FSIP2: variants seen among roughly 807,000 people sequenced by gnomAD.
The protein encoded by FSIP2 is fibrous sheath-interacting protein 2.
FSIP2 carries 367 observed loss-of-function variants against 510.5 expected under a neutral mutation model. The observed-to-expected ratio is 0.72, with a 90% CI of 0.66 to 0.78. The LOEUF is 0.78. Ranked by LOEUF, FSIP2 falls within the 30% of genes least tolerant of loss-of-function variation. The pLI, the probability that FSIP2 is intolerant of heterozygous loss-of-function variation, is 0.00. For missense variants in FSIP2, 7,594 were observed against 7,901.7 expected, an observed-to-expected ratio of 0.96 and a Z score of 1.48; for synonymous variants, 2,601 against 2,732.2, an observed-to-expected ratio of 0.95 and a Z score of 1.50.
Position 185,800,031 on chromosome 2 carries a change from G to A in FSIP2, c.10725G>A (p.Gln3575=). 1.3e-6 allele frequency: 2 copies of A among 1,525,544 alleles called. No individual in the cohort carries two copies. Among genetic ancestry groups the A allele is most frequent in the Non-Finnish European group, 1.8e-6 (2 of 1,139,350 alleles). The allele number at this position is 1,525,544 out of a possible 1,614,324, so 94.5% of individuals were successfully genotyped here. The change falls in exon 17 of 23, where the codon CAG becomes CAA. Residue 3575 remains glutamine, a synonymous_variant. Coordinates refer to ENST00000424728, the MANE Select transcript of FSIP2 (RefSeq NM_173651.4). The part of the protein sequence containing the change: ...IKILFNNKII[Q]ADIAQKMVAI... The stretch of plus-strand genomic sequence containing the variant: ...TTCTTTTTAATAATAAAATTATACA[G>A]GCTGACATTGCACAGAAAATGGTTG...
intron 2 of FSIP2, among the ~76,000 whole-genome samples, chr2:185,739,984 T>C (rs918748713): frequency 6.6e-6 from 1 of 152,148 alleles, no homozygotes; most frequent in Non-Finnish European, 1.5e-5. Flanking sequence ...TACTTTAACC[T>C]TACTTTAATG....
At chr2:185,797,596 A>G (rs1693322550) in intron 16 of FSIP2, 70 bp downstream of exon 16, 2 of 1,425,030 alleles carry the variant, frequency 1.4e-6, no homozygotes, top group South Asian at 1.5e-5. Flanking sequence ...ACATGTTTAA[A>G]AGATCTCCTG....
At position 185,802,816 on chromosome 2, in the gene FSIP2, G is replaced by A. The variant is rs1461081591; in HGVS notation, c.13510G>A (p.Asp4504Asn). 2.0e-6 allele frequency: 3 copies of A among 1,520,742 alleles called. No homozygotes were observed. The highest frequency in any genetic ancestry group is 2.6e-6 in the Non-Finnish European group (3 of 1,141,158). The allele number at this position is 1,520,742 out of a possible 1,614,324, so 94.2% of individuals were successfully genotyped here. Residue 4504 changes from aspartate to asparagine, a missense_variant, in exon 17 of 23, where the codon GAC becomes AAC. Coordinates refer to ENST00000424728, the MANE Select transcript of FSIP2 (RefSeq NM_173651.4). The part of the protein sequence containing the change: ...QKDISRVNFN[D>N]IASNLVSDIR... ...AGATATATCAAGAGTGAATTTCAAT[G>A]ACATTGCTTCAAACCTAGTTAGTGA...
Position 185,795,977 on chromosome 2 carries a change from C to G in FSIP2, c.8841C>G (p.Asn2947Lys). 4 of 1,534,708 alleles carry G rather than the reference C, an allele frequency of 2.6e-6. No individual in the cohort carries two copies. Among genetic ancestry groups the G allele is most frequent in the Non-Finnish European group, 3.5e-6 (4 of 1,146,006 alleles). The part of the protein sequence containing the change: ...PTPDSEETLS[N>K]SKEHITAKSK... ...CAGATAGTGAAGAAACTCTATCAAA[C>G]AGTAAAGAACACATTACTGCTAAAA... The change falls in exon 16 of 23, where the codon AAC (asparagine) becomes AAG (lysine). Residue 2947 changes from asparagine (N) to lysine (K), a missense_variant. Physicochemically the swap from Asn to Lys is moderately conservative, Grantham distance 94. Coordinates refer to ENST00000424728, the MANE Select transcript of FSIP2 (RefSeq NM_173651.4).
At chr2:185,752,974 C>A (rs1393267378) in intron 7 of FSIP2, among the ~76,000 whole-genome samples, 2 of 151,236 alleles carry the variant, frequency 1.3e-5, no homozygotes, top group Non-Finnish European at 3.0e-5. Context: ...ACAGGTCTTG[C>A]CTTTTATGAT....
intron 20 of FSIP2, 97 bp from the exon 21 acceptor site, chr2:185,828,059 C>A (rs1694046218): frequency 1.4e-6 from 1 of 736,242 alleles, no homozygotes; most frequent in East Asian, 2.6e-5. Context: ...CTATATGATT[C>A]TTTGGTGAAA....
chr2:185,800,873 C>T lies in FSIP2; in HGVS notation c.11567C>T (p.Ser3856Phe). 1 of 1,534,216 alleles carries T rather than the reference C, an allele frequency of 6.5e-7. No homozygotes were observed. Among genetic ancestry groups the T allele is most frequent in the Non-Finnish European group, 8.7e-7 (1 of 1,145,626 alleles). The change falls in exon 17 of 23, where the codon TCT becomes TTT. Residue 3856 changes from serine (S) to phenylalanine (F), a missense_variant. Transcript: ENST00000424728. ...SLVKSLMDKLSHSIQQAPESL... is the reference protein window; with the variant it reads ...SLVKSLMDKLFHSIQQAPESL... ...GTTAAATCATTGATGGACAAATTATCTCACAGCATACAACAAGCTCCGGAA... is the reference window on the plus strand; with the variant it reads ...GTTAAATCATTGATGGACAAATTATTTCACAGCATACAACAAGCTCCGGAA...
intron 13 of FSIP2, among the ~76,000 whole-genome samples, chr2:185,769,451 A>C (rs1229482748): frequency 6.6e-6 from 1 of 152,158 alleles, no homozygotes; most frequent in African/African-American, 2.4e-5. Context: ...GTCTGTTCAT[A>C]TCCTTTGCCC....
At chr2:185,741,945 C>T (rs1214107217) in intron 2 of FSIP2, among the ~76,000 whole-genome samples, 2 of 152,138 alleles carry the variant, frequency 1.3e-5, no homozygotes, top group African/African-American at 2.4e-5. Context: ...TACGGCCAGA[C>T]TGGAAACAGA....
Position 185,801,943 on chromosome 2 carries a change from A to G in FSIP2, c.12637A>G (p.Met4213Val). The change falls in exon 17 of 23, where the codon ATG becomes GTG. Residue 4213 changes from methionine (M) to valine (V), a missense_variant. By Grantham distance (21) the Met-to-Val change is conservative. Coordinates refer to ENST00000424728, the MANE Select transcript of FSIP2 (RefSeq NM_173651.4). ...ATATACTGGAAAAAACCTCCAAAAG[A>G]TGGTGGATTCTGTATATTGTAATAT... is the stretch of plus-strand genomic sequence containing the variant. The part of the protein sequence containing the change: ...YLYTGKNLQK[M>V]VDSVYCNILQ... 2.0e-6 allele frequency: 3 copies of G among 1,520,412 alleles called. No homozygotes were observed. Among genetic ancestry groups the G allele is most frequent in the Non-Finnish European group, 2.6e-6 (3 of 1,138,428 alleles). The allele number at this position is 1,520,412 out of a possible 1,614,324, so 94.2% of individuals were successfully genotyped here.
intron 9 of FSIP2, 56 bp downstream of exon 9, chr2:185,756,334 GA>G: frequency 1.6e-6 from 1 of 624,748 alleles, no homozygotes; most frequent in Non-Finnish European, 2.5e-6. Flanking sequence ...TTGGGGGAAA[GA>G]CAGTTTTGTA....
chr2:185,805,705 G>A lies in FSIP2; in HGVS notation c.16399G>A (p.Gly5467Ser). The A allele has an allele frequency of 6.2e-7, 1 of 1,608,758 alleles. No individual in the cohort carries two copies. The highest frequency in any genetic ancestry group is 8.5e-7 in the Non-Finnish European group (1 of 1,177,998). The change falls in exon 17 of 23, where the codon GGT becomes AGT. Residue 5467 changes from glycine to serine, a missense_variant. Gly to Ser is a moderately conservative substitution (Grantham distance 56, BLOSUM62 0). Coordinates refer to ENST00000424728, the MANE Select transcript of FSIP2 (RefSeq NM_173651.4). The part of the protein sequence containing the change: ...NMMSTLEINR[G>S]TMNRKKSFKT... ...GATGAGCACTTTGGAAATAAATAGA[G>A]GTACAATGAATAGAAAGAAAAGTTT...
chr2:185,789,946 T>A lies in FSIP2; in HGVS notation c.2810T>A (p.Leu937Gln). ...ASEETVVLLQ[L>Q]LEDILFQLHQ... ...GAAGAAACCGTAGTACTCCTTCAGC[T>A]ACTTGAGGACATCCTTTTTCAGCTC... Residue 937 changes from leucine to glutamine, a missense_variant, in exon 16 of 23, where the codon CTA (leucine) becomes CAA (glutamine). Transcript: ENST00000424728. 6.5e-7 allele frequency: 1 copy of A among 1,534,426 alleles called. No individual in the cohort carries two copies. The highest frequency in any genetic ancestry group is 1.2e-5 in the South Asian group (1 of 84,026).
chr2:185,788,655 G>C lies in FSIP2; in HGVS notation c.1519G>C (p.Glu507Gln), dbSNP rs532698972. Residue 507 changes from glutamate (E) to glutamine (Q), a missense_variant, in exon 16 of 23, where the codon GAA (glutamate) becomes CAA (glutamine). Glu to Gln is a conservative substitution (Grantham distance 29). Transcript: ENST00000424728. Reference protein sequence around the residue: ...NCLQEKVTSEELNIIIQNVMT... With the variant: ...NCLQEKVTSEQLNIIIQNVMT... ...ACCTCCTTTCCAGGTAACTTCTGAAGAACTGAATATTATAATTCAGAATGT... is the reference window on the plus strand; with the variant it reads ...ACCTCCTTTCCAGGTAACTTCTGAACAACTGAATATTATAATTCAGAATGT... 1.6e-5 allele frequency: 24 copies of C among 1,502,478 alleles called. No homozygotes were observed. In the East Asian group the frequency reaches 5.2e-4, roughly 32 times the overall value. The allele number at this position is 1,502,478 out of a possible 1,614,324, so 93.1% of individuals were successfully genotyped here.
At position 185,807,598 on chromosome 2, in the gene FSIP2, T is replaced by G; in HGVS notation, c.18292T>G (p.Ser6098Ala). 1 of 1,612,720 alleles carries G rather than the reference T, an allele frequency of 6.2e-7. No homozygotes were observed. Among genetic ancestry groups the G allele is most frequent in the African/African-American group, 1.3e-5 (1 of 74,938 alleles). ...VYNNLLPQFG[S>A]QEIIQNCVTS... ...TAATAATCTCTTGCCACAGTTTGGA[T>G]CACAAGAGATTATACAAAATTGTGT... is the stretch of plus-strand genomic sequence containing the variant. The change falls in exon 17 of 23, where the codon TCA (serine) becomes GCA (alanine). Residue 6098 changes from serine (S) to alanine (A), a missense_variant. Coordinates refer to ENST00000424728, the MANE Select transcript of FSIP2 (RefSeq NM_173651.4).
chr2:185,797,623 C>A, intron 16 of FSIP2, 97 bp downstream of exon 16: 1 of 1,290,378 alleles, frequency 7.7e-7, no homozygotes, highest in Non-Finnish European at 1.0e-6. Flanking sequence ...AAGCTGTATT[C>A]ACTATTTTTC....
intron 2 of FSIP2, 63 bp downstream of exon 2, chr2:185,739,534 G>A (rs768883041): frequency 2.8e-5 from 37 of 1,332,206 alleles, no homozygotes; most frequent in Non-Finnish European, 3.5e-5. Flanking sequence ...TAACTCAAAG[G>A]CTGCATCATA....
intron 13 of FSIP2, among the ~76,000 whole-genome samples, chr2:185,775,685 A>T (rs1205488351): frequency 6.6e-6 from 1 of 152,048 alleles, no homozygotes; most frequent in African/African-American, 2.4e-5. Flanking sequence ...TTTTGCTTTC[A>T]TGGAGCCTCA....
chr2:185,797,469 A>C lies in FSIP2; in HGVS notation c.10333A>C (p.Ile3445Leu), dbSNP rs1192492937. The change falls in exon 16 of 23, where the codon ATA (isoleucine) becomes CTA (leucine). Residue 3445 changes from isoleucine (I) to leucine (L), a missense_variant. Ile to Leu is a conservative substitution (Grantham distance 5, BLOSUM62 2). Transcript: ENST00000424728. ...HEMGSNEVHL[I>L]ARHVTTSVVT... is the part of the protein sequence containing the mutation. ...AATGGGTTCCAATGAAGTTCATCTGATAGCAAGACATGTCACCACATCTGT... is the reference window on the plus strand; with the variant it reads ...AATGGGTTCCAATGAAGTTCATCTGCTAGCAAGACATGTCACCACATCTGT... 1.3e-6 allele frequency: 2 copies of C among 1,523,322 alleles called. No individual in the cohort carries two copies. The highest frequency in any genetic ancestry group is 8.7e-7 in the Non-Finnish European group (1 of 1,143,348). The allele number at this position is 1,523,322 out of a possible 1,614,324, so 94.4% of individuals were successfully genotyped here. A position where few individuals can be genotyped will look rare whatever the true frequency, so the allele number is the denominator to read the frequency against.
Sources: allele counts gnomAD v4.1 joint callset (sites outside exome capture counted in the v4.1 genomes callset), GRCh38; gene constraint gnomAD v4.1.1; transcripts MANE v1.5; gene names NCBI Gene and HGNC (gene_info 2026-07-23, HGNC 2026-07-21).